SPMIP2: variants seen among roughly 807,000 people sequenced by gnomAD.
SPMIP2 encodes the protein protein SPMIP2.
chr4:159,007,980 T>C, the SPMIP2 span: 2 of 365,102 alleles, frequency 5.5e-6, no homozygotes, highest in African/African-American at 4.3e-5. Context: ...CATGCGCCTG[T>C]AGTCCCAGCT....
the SPMIP2 span, among the ~76,000 whole-genome samples, chr4:159,010,895 T>C: frequency 2.0e-5 from 3 of 152,116 alleles, no homozygotes; most frequent in African/African-American, 7.2e-5. Flanking sequence ...AATTATAACT[T>C]TGTGAGTTTC....
chr4:158,955,164 A>T, the SPMIP2 span, among the ~76,000 whole-genome samples: 1 of 152,176 alleles, frequency 6.6e-6, no homozygotes, highest in African/African-American at 2.4e-5. Context: ...ACACACTCAC[A>T]CAACAAAAAT....
the SPMIP2 span, among the ~76,000 whole-genome samples, chr4:158,945,304 C>T: frequency 9.2e-5 from 14 of 152,180 alleles, no homozygotes; most frequent in South Asian, 2.1e-4. Flanking sequence ...AATACCCTGG[C>T]GTGGCTGCAT....
At chr4:158,950,752 C>T in the SPMIP2 span, among the ~76,000 whole-genome samples, 6 of 152,024 alleles carry the variant, frequency 3.9e-5, no homozygotes, top group Admixed American at 6.6e-5. Flanking sequence ...AAAAATTAGC[C>T]GGTCGTGGTG....
chr4:159,065,001 C>T, the SPMIP2 span, among the ~76,000 whole-genome samples: 1 of 152,344 alleles, frequency 6.6e-6, no homozygotes, highest in South Asian at 2.1e-4. Context: ...TATTTGCAAA[C>T]AGAATTCCAC....
the SPMIP2 span, among the ~76,000 whole-genome samples, chr4:159,081,018 C>T: frequency 2.7e-5 from 4 of 150,462 alleles, no homozygotes; most frequent in African/African-American, 4.9e-5. Context: ...TGACTGTGCC[C>T]GGACTCTTTG....
At chr4:159,008,804 T>C in the SPMIP2 span, among the ~76,000 whole-genome samples, 1 of 152,244 alleles carries the variant, frequency 6.6e-6, no homozygotes, top group Admixed American at 6.5e-5. Flanking sequence ...AAGAATACAC[T>C]TCATTTCATG....
At chr4:159,019,170 C>A in the SPMIP2 span, among the ~76,000 whole-genome samples, 1 of 152,028 alleles carries the variant, frequency 6.6e-6, no homozygotes, top group African/African-American at 2.4e-5. Context: ...CCCAAATAGA[C>A]CGCTTCACAA....
the SPMIP2 span, among the ~76,000 whole-genome samples, chr4:158,977,709 G>C: frequency 6.8e-6 from 1 of 147,350 alleles, no homozygotes; most frequent in Non-Finnish European, 1.5e-5. Flanking sequence ...CTGCCTCCCG[G>C]GTTCACGCCA....
At chr4:158,920,150 TCTTTA>T in the SPMIP2 span, among the ~76,000 whole-genome samples, 13 of 152,356 alleles carry the variant, frequency 8.5e-5, no homozygotes, top group African/African-American at 2.6e-4. Flanking sequence ...CTTATGACTG[TCTTTA>T]CTTTAATCTC....
the SPMIP2 span, among the ~76,000 whole-genome samples, chr4:159,061,459 G>A: frequency 2.6e-5 from 4 of 152,034 alleles, no homozygotes; most frequent in East Asian, 1.9e-4. Flanking sequence ...TGGCATGGGC[G>A]CCTCCATTTA....
At chr4:159,039,446 G>A in the SPMIP2 span, among the ~76,000 whole-genome samples, 1 of 152,096 alleles carries the variant, frequency 6.6e-6, no homozygotes, top group Non-Finnish European at 1.5e-5. Flanking sequence ...GAGTAAGAAT[G>A]ACCCCCAGTT....
At chr4:158,912,755 T>C in the SPMIP2 span, among the ~76,000 whole-genome samples, 1 of 152,206 alleles carries the variant, frequency 6.6e-6, no homozygotes, top group African/African-American at 2.4e-5. Context: ...AAAAAATGGA[T>C]TTGTGGGACA....
the SPMIP2 span, among the ~76,000 whole-genome samples, chr4:159,020,011 T>C: frequency 2.0e-5 from 3 of 151,932 alleles, no homozygotes; most frequent in Non-Finnish European, 4.4e-5. Context: ...CCCCAGCTAC[T>C]CAGGAGGCTG....
the SPMIP2 span, among the ~76,000 whole-genome samples, chr4:159,067,235 A>C: frequency 1.3e-5 from 2 of 151,858 alleles, no homozygotes; most frequent in African/African-American, 4.8e-5. Context: ...TTAAAAAAAA[A>C]CCAACATATA....
At chr4:159,052,866 C>T in the SPMIP2 span, among the ~76,000 whole-genome samples, 1 of 150,808 alleles carries the variant, frequency 6.6e-6, no homozygotes, top group Non-Finnish European at 1.5e-5. Context: ...GAACTCCTGA[C>T]CTTAGGTGAT....
the SPMIP2 span, among the ~76,000 whole-genome samples, chr4:159,002,529 T>C: frequency 6.6e-6 from 1 of 152,228 alleles, no homozygotes; most frequent in Non-Finnish European, 1.5e-5. Context: ...TAAATAATCT[T>C]TGTCTAATCT....
the SPMIP2 span, among the ~76,000 whole-genome samples, chr4:159,059,180 G>C: frequency 1.3e-5 from 2 of 152,210 alleles, no homozygotes; most frequent in Non-Finnish European, 2.9e-5. Flanking sequence ...GAGCTGCAAA[G>C]TATGAGATGA....
At chr4:158,992,634 A>C in the SPMIP2 span, among the ~76,000 whole-genome samples, 1 of 152,336 alleles carries the variant, frequency 6.6e-6, no homozygotes, top group African/African-American at 2.4e-5. Context: ...GTTTTCATAC[A>C]GTTATGAAGG....
Sources: gnomAD v4.1 joint callset for allele counts (sites outside exome capture counted in the v4.1 genomes callset) on GRCh38, gnomAD v4.1.1 for gene constraint, MANE v1.5 for transcripts, NCBI Gene and HGNC (gene_info 2026-07-23, HGNC 2026-07-21) for gene names.